Variants in GMCL1 observed in about 807,000 individuals in gnomAD.
GMCL1 encodes germ cell-less 1, spermatogenesis associated.
A neutral mutation model predicts 75.5 loss-of-function variants in GMCL1; 54 were observed. The observed-to-expected ratio is 0.71, with a 90% CI of 0.57 to 0.90. GMCL1 has a LOEUF of 0.90. Ranked by LOEUF, GMCL1 falls within the 40% of genes least tolerant of loss-of-function variation. GMCL1 has a pLI of 0.00. For missense variants in GMCL1, 537 were observed against 622.7 expected, an observed-to-expected ratio of 0.86 and a Z score of 1.47; for synonymous variants, 210 against 209.6, an observed-to-expected ratio of 1.00 and a Z score of -0.02.
chr2:69,852,481 A>ATAT (rs557389636), intron 8 of GMCL1, among the ~76,000 whole-genome samples: 10,348 of 152,146 alleles, frequency 0.068, 930 homozygotes, highest in Admixed American at 0.22. Flanking sequence ...CATACTTAGG[A>ATAT]AATAGGATAG....
chr2:69,835,166 C>T (rs1674782488), intron 1 of GMCL1, among the ~76,000 whole-genome samples: 1 of 151,996 alleles, frequency 6.6e-6, no homozygotes, highest in Non-Finnish European at 1.5e-5. Flanking sequence ...GTTATTCATT[C>T]TTAAATATAA....
rs1458281488 is a variant in GMCL1 at position 69,830,009 on chromosome 2, G to T, written c.117G>T (p.Ala39=). The T allele has an allele frequency of 6.4e-7, 1 of 1,566,488 alleles. No individual in the cohort carries two copies. Among genetic ancestry groups the T allele is most frequent in the Non-Finnish European group, 8.7e-7 (1 of 1,155,640 alleles). Reference sequence around the variant, plus strand: ...GGCCGGACACTGGAGACGATGCGGCGGGCCACGGATTCTGTTACTGTGCGG... The same window carrying T: ...GGCCGGACACTGGAGACGATGCGGCTGGCCACGGATTCTGTTACTGTGCGG... The part of the protein sequence containing the change: ...ARRPDTGDDA[A]GHGFCYCAGS... Residue 39 remains alanine (A), a synonymous_variant, in exon 1 of 14, where the codon GCG becomes GCT. Transcript: ENST00000282570.
At chr2:69,860,988 G>A (rs1389686675) in intron 9 of GMCL1, among the ~76,000 whole-genome samples, 4 of 152,056 alleles carry the variant, frequency 2.6e-5, no homozygotes, top group African/African-American at 7.2e-5. Flanking sequence ...GATTACAGGC[G>A]CCCACCACCA....
At chr2:69,835,128 A>G (rs756430889) in intron 1 of GMCL1, among the ~76,000 whole-genome samples, 7 of 152,240 alleles carry the variant, frequency 4.6e-5, no homozygotes, top group South Asian at 2.1e-4. Context: ...AAATAGATCT[A>G]TTTACTCAAT....
At chr2:69,877,572 C>T (rs1226981731) in intron 13 of GMCL1, among the ~76,000 whole-genome samples, 1 of 152,168 alleles carries the variant, frequency 6.6e-6, no homozygotes, top group Non-Finnish European at 1.5e-5. Context: ...CATCTGAAGA[C>T]CAACCATGCT....
chr2:69,833,369 C>T (rs934466871), intron 1 of GMCL1, among the ~76,000 whole-genome samples: 3 of 152,116 alleles, frequency 2.0e-5, no homozygotes, highest in Non-Finnish European at 4.4e-5. Context: ...AATCCCAGCA[C>T]TTTGGGAAGC....
At chr2:69,857,419 T>G (rs2104003233) in intron 9 of GMCL1, among the ~76,000 whole-genome samples, 1 of 152,366 alleles carries the variant, frequency 6.6e-6, no homozygotes, top group East Asian at 1.9e-4. Context: ...ACCTTGGGAC[T>G]TCTTACACTA....
rs1676265319 is a variant in GMCL1 at position 69,881,191 on chromosome 2, A to C, written c.*2187A>C. On this transcript the variant is annotated 3_prime_UTR_variant, in exon 14 of 14. Transcript: ENST00000282570. ...GCTTATGTCATCCATAGACAGGATA[A>C]TTCTTTCTTCAATCACAAGTAGGTT... is the stretch of plus-strand genomic sequence containing the variant. 6.6e-6 allele frequency: 1 copy of C among 152,240 alleles called. No individual in the cohort carries two copies. The highest frequency in any genetic ancestry group is 1.5e-5 in the Non-Finnish European group (1 of 68,044). The allele number at this position is 152,240 out of a possible 1,614,324, so 9.4% of individuals were successfully genotyped here. A position where few individuals can be genotyped will look rare whatever the true frequency, so the allele number is the denominator to read the frequency against.
At chr2:69,838,906 CAT>C (rs1369704472) in intron 2 of GMCL1, among the ~76,000 whole-genome samples, 2 of 152,166 alleles carry the variant, frequency 1.3e-5, no homozygotes, top group African/African-American at 4.8e-5. Flanking sequence ...TACTCAGTAA[CAT>C]TTTTAAATAA....
intron 11 of GMCL1, among the ~76,000 whole-genome samples, chr2:69,865,981 C>T (rs1250096790): frequency 2.6e-5 from 4 of 152,016 alleles, no homozygotes; most frequent in Admixed American, 1.3e-4. Context: ...CTGGGCACGG[C>T]GGCTCATGCC....
At chr2:69,864,850 T>C in intron 10 of GMCL1, 50 bp from the exon 11 acceptor site, 1 of 1,199,222 alleles carries the variant, frequency 8.3e-7, no homozygotes. Context: ...CTTTTTTAAT[T>C]ATTAGTTGCA....
chr2:69,843,093 A>G (rs879900067), intron 4 of GMCL1, 56 bp from the exon 5 acceptor site: 3 of 811,900 alleles, frequency 3.7e-6, no homozygotes, highest in Admixed American at 2.3e-5. Flanking sequence ...AAAAGCTGTC[A>G]GAGCTAATTT....
At chr2:69,849,473 A>G (rs918708807) in intron 7 of GMCL1, among the ~76,000 whole-genome samples, 179 bp from the exon 8 acceptor site, 68 of 152,230 alleles carry the variant, frequency 4.5e-4, no homozygotes, top group African/African-American at 1.4e-3. Flanking sequence ...CCATTGGACT[A>G]TGATAATGCC....
intron 13 of GMCL1, among the ~76,000 whole-genome samples, chr2:69,877,320 T>G (rs1676154095): frequency 6.6e-6 from 1 of 152,202 alleles, no homozygotes; most frequent in African/African-American, 2.4e-5. Context: ...CCAAGTGATA[T>G]CCACGTGCCT....
intron 13 of GMCL1, among the ~76,000 whole-genome samples, chr2:69,875,527 T>G (rs983663407): frequency 6.6e-6 from 1 of 152,190 alleles, no homozygotes; most frequent in Non-Finnish European, 1.5e-5. Context: ...GATTTTAATT[T>G]ATATGATTAA....
At position 69,861,356 on chromosome 2, in the gene GMCL1, A is replaced by G; in HGVS notation, c.1142+9A>G. The G allele has an allele frequency of 6.5e-7, 1 of 1,540,346 alleles. No individual in the cohort carries two copies. On this transcript the variant is annotated intron_variant, in intron 10 of 13. Transcript: ENST00000282570. ...CAGGACAGTGAGGTGGGGTAAGTAT[A>G]TTATACCTTATCATTTTTCATTAAA...
chr2:69,862,976 T>G (rs1675701583), intron 10 of GMCL1, among the ~76,000 whole-genome samples: 1 of 152,162 alleles, frequency 6.6e-6, no homozygotes, highest in South Asian at 2.1e-4. Context: ...TGTTCTTTAT[T>G]TTTCATGATT....
intron 1 of GMCL1, among the ~76,000 whole-genome samples, chr2:69,831,599 T>C (rs1165533751): frequency 6.6e-6 from 1 of 151,602 alleles, no homozygotes; most frequent in Admixed American, 6.6e-5. Context: ...AGTTTTTTTT[T>C]CCTTTGGAAA....
chr2:69,831,820 C>T (rs771734026), intron 1 of GMCL1, among the ~76,000 whole-genome samples: 2 of 152,174 alleles, frequency 1.3e-5, no homozygotes, highest in Non-Finnish European at 2.9e-5. Flanking sequence ...CCCACCCAGG[C>T]TGGCCTGGAA....
Sources: allele counts gnomAD v4.1 joint callset (sites outside exome capture counted in the v4.1 genomes callset), GRCh38; gene constraint gnomAD v4.1.1; transcripts MANE v1.5; gene names NCBI Gene and HGNC (gene_info 2026-07-23, HGNC 2026-07-21).